The following KITLG variants were observed in gnomAD, a reference collection of about 807,000 sequenced individuals.
KITLG encodes the protein c-Kit ligand.
A neutral mutation model predicts 34.1 loss-of-function variants in KITLG; 13 were observed. The ratio of observed to expected loss-of-function variants is 0.38; its 90% CI spans 0.25 to 0.61. The LOEUF is 0.61. Among genes scored for constraint, KITLG ranks in the 20% least tolerant of loss-of-function variants. The probability of loss-of-function intolerance (pLI) is 0.60; values close to 1 mark genes in which losing one functional copy is unlikely to be tolerated. For missense variants in KITLG, 292 were observed against 318.9 expected (o/e 0.92, Z 0.64); for synonymous variants, 110 against 104.0 (o/e 1.06, Z -0.35).
intron 1 of KITLG, among the ~76,000 whole-genome samples, chr12:88,574,065 CTT>C (rs34585685): frequency 1.3e-3 from 195 of 147,816 alleles, no homozygotes; most frequent in Middle Eastern, 7.1e-3. Flanking sequence ...GCCATTGCTA[CTT>C]TTTTTTTTTT....
intron 4 of KITLG, among the ~76,000 whole-genome samples, chr12:88,518,233 TG>T (rs1367794282): frequency 6.6e-6 from 1 of 152,154 alleles, no homozygotes; most frequent in Non-Finnish European, 1.5e-5. Flanking sequence ...CCATATGTCA[TG>T]CCCATATCCT....
chr12:88,567,375 TTC>T (rs1355967417), intron 1 of KITLG, among the ~76,000 whole-genome samples: 2 of 152,212 alleles, frequency 1.3e-5, no homozygotes, highest in African/African-American at 4.8e-5. Flanking sequence ...AGGAGCTGTT[TTC>T]TCTCTTTCAC....
Position 88,580,321 on chromosome 12 carries a change from C to A in KITLG, c.-43G>T, listed in dbSNP as rs2121003438. ...CGATCCAGCACAAACAGTGGTGTGGCGACTCCGTTTAGCTGTTCTGGAGCT... is the reference window on the plus strand; with the variant it reads ...CGATCCAGCACAAACAGTGGTGTGGAGACTCCGTTTAGCTGTTCTGGAGCT... On this transcript the variant is annotated 5_prime_UTR_variant, in exon 1 of 10. Coordinates refer to ENST00000644744, the MANE Select transcript of KITLG (RefSeq NM_000899.5). 2 of 1,609,256 alleles carry A rather than the reference C, an allele frequency of 1.2e-6. No individual in the cohort carries two copies. Among genetic ancestry groups the A allele is most frequent in the Non-Finnish European group, 1.7e-6 (2 of 1,177,612 alleles).
chr12:88,515,666 G>A (rs758022678), intron 5 of KITLG, 49 bp from the exon 6 acceptor site: 13 of 1,367,110 alleles, frequency 9.5e-6, no homozygotes, highest in Non-Finnish European at 1.3e-5. Flanking sequence ...ATTTGTATGA[G>A]TTATAGAGTC....
intron 1 of KITLG, among the ~76,000 whole-genome samples, chr12:88,566,224 G>A (rs1157377110): frequency 6.6e-6 from 1 of 152,070 alleles, no homozygotes; most frequent in Non-Finnish European, 1.5e-5. Context: ...TGTCTGCTGA[G>A]GTCAGCAGGC....
chr12:88,576,514 T>A (rs1871829497), intron 1 of KITLG, among the ~76,000 whole-genome samples: 1 of 152,190 alleles, frequency 6.6e-6, no homozygotes, highest in Admixed American at 6.5e-5. Context: ...AAGACACATA[T>A]AAAATTTCAT....
intron 9 of KITLG, among the ~76,000 whole-genome samples, chr12:88,504,591 G>T (rs924162215): frequency 6.6e-6 from 1 of 152,082 alleles, no homozygotes; most frequent in Admixed American, 6.5e-5. Flanking sequence ...TTAGAATGGT[G>T]ATCATTAAAA....
Position 88,555,097 on chromosome 12 carries a change from T to C in KITLG, c.16-9232A>G, listed in dbSNP as rs535281197. 8.5e-5 allele frequency among the ~76,000 whole-genome samples: 13 copies of C among 152,268 alleles called. No individual in the cohort carries two copies. In the South Asian group the frequency reaches 2.7e-3, roughly 32 times the overall value. On this transcript the variant is annotated intron_variant, in intron 1 of 9. Coordinates refer to ENST00000644744, the MANE Select transcript of KITLG (RefSeq NM_000899.5). Reference sequence around the variant, plus strand: ...TAACAAAAAAAAACTAGAAAGAAGTTGCTTAATATGAAAAGGCAGACAATG... The same window carrying C: ...TAACAAAAAAAAACTAGAAAGAAGTCGCTTAATATGAAAAGGCAGACAATG...
chr12:88,580,419 T>C lies in KITLG; in HGVS notation c.-141A>G. On this transcript the variant is annotated 5_prime_UTR_variant, in exon 1 of 10. Coordinates refer to ENST00000644744, the MANE Select transcript of KITLG (RefSeq NM_000899.5). ...AGCCCGAGCGCAGCGCCCTCTCCAC[T>C]GTCCCTGCTTCCCGCAGCGCTTCTA... 3.1e-6 allele frequency: 3 copies of C among 969,108 alleles called. No homozygotes were observed. Among genetic ancestry groups the C allele is most frequent in the South Asian group, 1.4e-5 (1 of 71,210 alleles). The allele number at this position is 969,108 out of a possible 1,614,324, so 60.0% of individuals were successfully genotyped here. A position where few individuals can be genotyped will look rare whatever the true frequency, so the allele number is the denominator to read the frequency against.
chr12:88,534,360 T>C (rs148085709), intron 2 of KITLG, among the ~76,000 whole-genome samples: 1 of 152,224 alleles, frequency 6.6e-6, no homozygotes, highest in Non-Finnish European at 1.5e-5. Context: ...AATAAAATAT[T>C]AGAATCATTG....
intron 1 of KITLG, among the ~76,000 whole-genome samples, chr12:88,562,292 C>A (rs1419162610): frequency 6.6e-6 from 1 of 152,194 alleles, no homozygotes; most frequent in East Asian, 1.9e-4. Flanking sequence ...AGAGAATAAA[C>A]CCAGGTACAT....
At chr12:88,569,782 T>G (rs1871580352) in intron 1 of KITLG, among the ~76,000 whole-genome samples, 2 of 152,204 alleles carry the variant, frequency 1.3e-5, no homozygotes, top group Non-Finnish European at 2.9e-5. Flanking sequence ...GCCAACATTT[T>G]CATTTGTACT....
At chr12:88,525,726 T>C (rs768086829) in intron 3 of KITLG, among the ~76,000 whole-genome samples, 29 of 152,118 alleles carry the variant, frequency 1.9e-4, no homozygotes, top group Non-Finnish European at 3.1e-4. Flanking sequence ...ACAAATTCCA[T>C]AGAAGTCACA....
rs145138764 is a variant in KITLG, at chr12:88,500,188, G to A, written c.*38-3007C>T. ...TTGGGACTATACTGACTTAGTTTACGCCATGTGCTCAGTACAGATGCTACC... is the reference window on the plus strand; with the variant it reads ...TTGGGACTATACTGACTTAGTTTACACCATGTGCTCAGTACAGATGCTACC... On this transcript the variant is annotated intron_variant, in intron 9 of 9. Transcript: ENST00000644744. Among the ~76,000 whole-genome samples, 53 of 152,232 alleles carry A rather than the reference G, an allele frequency of 3.5e-4. 2 individuals carry two copies. Among genetic ancestry groups the A allele is most frequent in the Admixed American group, 2.9e-3 (44 of 15,290 alleles).
rs184755984 is a variant in KITLG at position 88,497,192 on chromosome 12, A to C, written c.*38-11T>G. ...TGAACTGTTACCAGCCTAGAAAGGA[A>C]GGAAGAAAAGAGAGATTATGGTGTA... is the stretch of plus-strand genomic sequence containing the variant. On this transcript the variant is annotated splice_polypyrimidine_tract_variant and intron_variant, in intron 9 of 9. Transcript: ENST00000644744. 3 of 438,410 alleles carry C rather than the reference A, an allele frequency of 6.8e-6. No individual in the cohort carries two copies. The highest frequency in any genetic ancestry group is 6.1e-5 in the African/African-American group (3 of 49,048). The allele number at this position is 438,410 out of a possible 1,614,324, so 27.2% of individuals were successfully genotyped here.
intron 3 of KITLG, among the ~76,000 whole-genome samples, chr12:88,528,238 A>T (rs1490800690): frequency 6.6e-6 from 1 of 152,150 alleles, no homozygotes; most frequent in Admixed American, 6.6e-5. Flanking sequence ...AATATTTTCA[A>T]ATCTCCCTCT....
chr12:88,560,766 G>A (rs1226450250), intron 1 of KITLG, among the ~76,000 whole-genome samples: 14 of 151,982 alleles, frequency 9.2e-5, no homozygotes, highest in Admixed American at 2.0e-4. Context: ...TCAGGAGTTC[G>A]AGACCAGCCT....
chr12:88,543,357 C>T (rs993097296), intron 2 of KITLG, among the ~76,000 whole-genome samples: 3 of 151,946 alleles, frequency 2.0e-5, no homozygotes, highest in African/African-American at 7.3e-5. Flanking sequence ...TGAGAACATG[C>T]GGTGTTTGGT....
chr12:88,534,678 A>G (rs1480620553), intron 2 of KITLG: 1 of 515,300 alleles, frequency 1.9e-6, no homozygotes, highest in African/African-American at 1.9e-5. Flanking sequence ...ATTGCTGCTT[A>G]TTGAAAACAC....
Sources: gnomAD v4.1 joint callset for allele counts (sites outside exome capture counted in the v4.1 genomes callset) on GRCh38, gnomAD v4.1.1 for gene constraint, MANE v1.5 for transcripts, NCBI Gene and HGNC (gene_info 2026-07-23, HGNC 2026-07-21) for gene names.